RYR3: variants seen among roughly 807,000 people sequenced by gnomAD.
The protein encoded by RYR3 is brain ryanodine receptor-calcium release channel.
Under a neutral mutation model 584.3 loss-of-function variants are expected in RYR3, and 207 were observed. That is an observed-to-expected ratio of 0.35 (90% confidence interval 0.32 to 0.40). The LOEUF is 0.40. Among genes scored for constraint, RYR3 ranks in the 10% least tolerant of loss-of-function variants. The pLI is 1.00. For synonymous variants in RYR3, 2,416 were observed against 2,248.5 expected (o/e 1.07, Z -2.11); for missense variants, 5,616 against 6,089.2 (o/e 0.92, Z 2.59).
chr15:33,865,495 T>G lies in RYR3; in HGVS notation c.*269T>G, dbSNP rs1010342067. 4 of 400,028 alleles carry G rather than the reference T, an allele frequency of 1.0e-5. No individual in the cohort carries two copies. The highest frequency in any genetic ancestry group is 8.0e-5 in the African/African-American group (4 of 49,742). 24.8% of individuals were successfully genotyped at this position (400,028 alleles called of 1,614,324 possible). A position where few individuals can be genotyped will look rare whatever the true frequency, so the allele number is the denominator to read the frequency against. On this transcript the variant is annotated 3_prime_UTR_variant, in exon 104 of 104. Coordinates refer to ENST00000634891, the MANE Select transcript of RYR3 (RefSeq NM_001036.6). ...AGGCAAATGCCTTCAAGTTTTCCAG[T>G]TCTGAGGTAACTAGTTCAGTTTGTT...
At chr15:33,327,388 A>T (rs1327298921) in intron 1 of RYR3, among the ~76,000 whole-genome samples, 1 of 152,232 alleles carries the variant, frequency 6.6e-6, no homozygotes, top group African/African-American at 2.4e-5. Context: ...GCCACTGGTG[A>T]TAGTGTGGTA....
intron 69 of RYR3, among the ~76,000 whole-genome samples, chr15:33,805,266 GT>G (rs1456332735): frequency 6.6e-6 from 1 of 152,120 alleles, no homozygotes; most frequent in Non-Finnish European, 1.5e-5. Flanking sequence ...TCAAAAAAGT[GT>G]CGTGATGCAG....
rs141562978 is a variant in RYR3 at position 33,590,182 on chromosome 15, C to G, written c.1788+4066C>G. Among the ~76,000 whole-genome samples the G allele has an allele frequency of 7.6e-3, 1,151 of 152,254 alleles. 13 individuals are homozygous for G. The highest frequency in any genetic ancestry group is 0.026 in the African/African-American group (1,087 of 41,536). On this transcript the variant is annotated intron_variant, in intron 16 of 103. Coordinates refer to ENST00000634891, the MANE Select transcript of RYR3 (RefSeq NM_001036.6). ...TCTCTCAGTTAAGGTGGGGCAGGAA[C>G]AAATCACAATGGTGGAATGTCATCG...
At chr15:33,602,457 A>G (rs1380463182) in intron 17 of RYR3, among the ~76,000 whole-genome samples, 1 of 152,188 alleles carries the variant, frequency 6.6e-6, no homozygotes. Flanking sequence ...TGCTTCGGTA[A>G]CAAAGCTGCT....
At chr15:33,680,980 G>T (rs1040236704) in intron 38 of RYR3, among the ~76,000 whole-genome samples, 2 of 152,188 alleles carry the variant, frequency 1.3e-5, no homozygotes, top group Non-Finnish European at 2.9e-5. Context: ...ATCTACATAC[G>T]TTACCTAATG....
chr15:33,730,952 C>CA (rs2152821357), intron 47 of RYR3, among the ~76,000 whole-genome samples: 1 of 152,320 alleles, frequency 6.6e-6, no homozygotes, highest in South Asian at 2.1e-4. Flanking sequence ...TGAAAGGAGT[C>CA]AGAGTTCCAC....
At chr15:33,661,735 C>T (rs2063177226) in intron 34 of RYR3, among the ~76,000 whole-genome samples, 1 of 152,234 alleles carries the variant, frequency 6.6e-6, no homozygotes, top group East Asian at 1.9e-4. Context: ...TTGGGAACCC[C>T]TGATGTAGAC....
At chr15:33,657,888 TA>T (rs1208010549) in intron 32 of RYR3, among the ~76,000 whole-genome samples, 15 of 152,230 alleles carry the variant, frequency 9.9e-5, no homozygotes. Context: ...GAACAAATGA[TA>T]GCACTAAATC....
intron 12 of RYR3, among the ~76,000 whole-genome samples, chr15:33,571,622 G>A (rs1011459217): frequency 3.3e-5 from 5 of 152,094 alleles, no homozygotes; most frequent in African/African-American, 1.2e-4. Flanking sequence ...TCTTGAATGT[G>A]CAGATTATGT....
intron 2 of RYR3, among the ~76,000 whole-genome samples, chr15:33,488,685 T>C (rs951815534): frequency 1.3e-5 from 2 of 152,030 alleles, no homozygotes; most frequent in South Asian, 2.1e-4. Flanking sequence ...ACCCCGTCTC[T>C]ACTAAAAATA....
At chr15:33,854,095 C>G (rs563530614) in intron 96 of RYR3, among the ~76,000 whole-genome samples, 5 of 151,490 alleles carry the variant, frequency 3.3e-5, no homozygotes, top group African/African-American at 9.7e-5. Context: ...GCTTGGGAGG[C>G]TGAGGCAGGA....
chr15:33,609,809 C>T (rs924380252), intron 18 of RYR3, among the ~76,000 whole-genome samples: 1 of 152,024 alleles, frequency 6.6e-6, no homozygotes, highest in Non-Finnish European at 1.5e-5. Flanking sequence ...AGGACTTGAA[C>T]AGGAGGAAGA....
chr15:33,843,319 CA>C (rs932073799), intron 91 of RYR3, among the ~76,000 whole-genome samples, 168 bp from the exon 92 acceptor site: 13 of 149,734 alleles, frequency 8.7e-5, no homozygotes, highest in East Asian at 2.0e-4. Context: ...GACTCCATCT[CA>C]AAAAAAAAGA....
chr15:33,607,187 C>T (rs1035297031), intron 18 of RYR3, among the ~76,000 whole-genome samples: 1 of 152,204 alleles, frequency 6.6e-6, no homozygotes, highest in African/African-American at 2.4e-5. Flanking sequence ...TAATGCCAAA[C>T]TCTGCAGTGC....
intron 16 of RYR3, among the ~76,000 whole-genome samples, chr15:33,592,635 G>C (rs1205610193): frequency 6.6e-6 from 1 of 152,118 alleles, no homozygotes; most frequent in Non-Finnish European, 1.5e-5. Flanking sequence ...ATGGAGTCTG[G>C]TGAATACTCA....
At chr15:33,563,864 G>A (rs998891647) in intron 11 of RYR3, among the ~76,000 whole-genome samples, 2 of 152,126 alleles carry the variant, frequency 1.3e-5, no homozygotes, top group Non-Finnish European at 2.9e-5. Flanking sequence ...AAGGGGAAAT[G>A]AAATGATCAA....
rs944923188 is a variant in RYR3, at chr15:33,581,573, T to G, written c.1503T>G (p.Phe501Leu). 1.2e-6 allele frequency: 2 copies of G among 1,613,524 alleles called. No homozygotes were observed. The highest frequency in any genetic ancestry group is 2.7e-5 in the African/African-American group (2 of 74,906). ...ATGTCTACAATAGCGTAGCACACTT[T>G]GCAGGGATTGCAAGGGAAGAGAGTG... is the stretch of plus-strand genomic sequence containing the variant. Reference protein sequence around the residue: ...RLNVYNSVAHFAGIAREESGM... With the variant: ...RLNVYNSVAHLAGIAREESGM... The change falls in exon 14 of 104, where the codon TTT becomes TTG. Residue 501 changes from phenylalanine to leucine, a missense_variant. Phe to Leu is a conservative substitution (Grantham distance 22, BLOSUM62 0). Transcript: ENST00000634891.
At chr15:33,857,680 C>G in intron 98 of RYR3, 100 bp from the exon 99 acceptor site, 4 of 1,467,994 alleles carry the variant, frequency 2.7e-6, no homozygotes, top group Non-Finnish European at 3.7e-6. Context: ...TCTCCTTGCC[C>G]GTCCTCACTC....
chr15:33,653,417 A>G (rs2062613730), intron 32 of RYR3, among the ~76,000 whole-genome samples: 1 of 152,186 alleles, frequency 6.6e-6, no homozygotes, highest in Non-Finnish European at 1.5e-5. Flanking sequence ...CATGCCTGTA[A>G]TCCCAGCACT....
Sources: allele counts gnomAD v4.1 joint callset (sites outside exome capture counted in the v4.1 genomes callset), GRCh38; gene constraint gnomAD v4.1.1; transcripts MANE v1.5; gene names NCBI Gene and HGNC (gene_info 2026-07-23, HGNC 2026-07-21).